The following SHANK2 variants were observed in gnomAD, a reference collection of about 807,000 sequenced individuals.
The protein encoded by SHANK2 is SH3 and multiple ankyrin repeat domains protein 2.
Under a neutral mutation model 133.7 loss-of-function variants are expected in SHANK2, and 43 were observed. The ratio of observed to expected loss-of-function variants is 0.32; its 90% CI spans 0.25 to 0.41. The LOEUF is 0.41. Among genes scored for constraint, SHANK2 ranks in the 10% least tolerant of loss-of-function variants. The probability of loss-of-function intolerance (pLI) is 1.00; values close to 1 mark genes in which losing one functional copy is unlikely to be tolerated. For synonymous variants in SHANK2, 1,017 were observed against 952.8 expected, an observed-to-expected ratio of 1.07 and a Z score of -1.24; for missense variants, 1,994 against 2,235.8, an observed-to-expected ratio of 0.89 and a Z score of 2.18.
At chr11:70,861,636 T>G (rs1949259804) in intron 11 of SHANK2, among the ~76,000 whole-genome samples, 1 of 152,210 alleles carries the variant, frequency 6.6e-6, no homozygotes, top group Admixed American at 6.5e-5. Context: ...ACGAGCCAGT[T>G]AACTCTGTAG....
intron 17 of SHANK2, among the ~76,000 whole-genome samples, chr11:70,582,186 G>A (rs1407404797): frequency 1.3e-5 from 2 of 152,208 alleles, no homozygotes; most frequent in Non-Finnish European, 1.5e-5. Flanking sequence ...AGCAGAGAGG[G>A]GCTCCACCCC....
At chr11:71,101,215 C>T (rs537832057) in intron 6 of SHANK2, among the ~76,000 whole-genome samples, 7 of 152,160 alleles carry the variant, frequency 4.6e-5, no homozygotes, top group African/African-American at 7.2e-5. Context: ...GCTCTGTCCC[C>T]GACCCCAAGA....
chr11:70,704,072 G>A (rs1454857247), intron 14 of SHANK2, among the ~76,000 whole-genome samples: 1 of 152,256 alleles, frequency 6.6e-6, no homozygotes, highest in Non-Finnish European at 1.5e-5. Flanking sequence ...GCCACAGAGG[G>A]AGGCCAGCCT....
intron 16 of SHANK2, among the ~76,000 whole-genome samples, chr11:70,660,713 G>A (rs941213112): frequency 3.9e-5 from 6 of 152,226 alleles, no homozygotes; most frequent in Non-Finnish European, 8.8e-5. Context: ...ACAGACAGGC[G>A]TGGATGCTCT....
intron 9 of SHANK2, among the ~76,000 whole-genome samples, chr11:71,068,709 G>A (rs1951101004): frequency 6.6e-6 from 1 of 152,200 alleles, no homozygotes; most frequent in Non-Finnish European, 1.5e-5. Flanking sequence ...TGGAAGCCTG[G>A]CAGCTGTACT....
At chr11:70,740,889 G>A (rs1286273424) in intron 14 of SHANK2, among the ~76,000 whole-genome samples, 1 of 152,178 alleles carries the variant, frequency 6.6e-6, no homozygotes, top group East Asian at 1.9e-4. Context: ...GGAACATCCT[G>A]AGTACCTGCA....
intron 17 of SHANK2, among the ~76,000 whole-genome samples, chr11:70,618,627 T>G (rs6592664): frequency 0.46 from 69,112 of 151,814 alleles, 16,192 homozygotes; most frequent in Middle Eastern, 0.54. Flanking sequence ...ACGAGGCATT[T>G]CAGCTTGTGA....
At position 70,584,411 on chromosome 11, in the gene SHANK2, A is replaced by G. The variant is rs186637602; in HGVS notation, c.2061+75417T>C. Reference sequence around the variant, plus strand: ...GAATCAGGCAATTCCTAGAGAAAGTAAACAGCTCACCTGAGAGCTGGATTT... The same window carrying G: ...GAATCAGGCAATTCCTAGAGAAAGTGAACAGCTCACCTGAGAGCTGGATTT... On this transcript the variant is annotated intron_variant, in intron 17 of 25. Transcript: ENST00000601538. Among the ~76,000 whole-genome samples, 253 of 152,242 alleles carry G rather than the reference A, an allele frequency of 1.7e-3. 3 individuals carry two copies. The highest frequency in any genetic ancestry group is 3.2e-3 in the Non-Finnish European group (217 of 67,992).
intron 14 of SHANK2, among the ~76,000 whole-genome samples, chr11:70,731,744 T>C (rs1293770307): frequency 3.3e-5 from 5 of 152,202 alleles, no homozygotes; most frequent in African/African-American, 4.8e-5. Flanking sequence ...TGGACACCTG[T>C]TTTTAATTCT....
chr11:70,755,894 A>G (rs138830045), intron 14 of SHANK2, among the ~76,000 whole-genome samples: 1 of 152,278 alleles, frequency 6.6e-6, no homozygotes, highest in East Asian at 1.9e-4. Flanking sequence ...GTTTATTTCC[A>G]TCTTACAGGA....
At chr11:70,781,558 T>TTATTTATATATATATATATATATATA (rs71049941) in intron 14 of SHANK2, among the ~76,000 whole-genome samples, 75 of 28,944 alleles carry the variant, frequency 2.6e-3, no homozygotes, top group African/African-American at 4.6e-3. Context: ...TACTTACTTA[T>TTATTTATATATATATATATATATATA]TATATATATA....
At chr11:70,582,155 C>T (rs1367253549) in intron 17 of SHANK2, among the ~76,000 whole-genome samples, 15 of 152,230 alleles carry the variant, frequency 9.9e-5, no homozygotes, top group Admixed American at 9.2e-4. Context: ...TGCCATCAGT[C>T]AGAGAAGGCC....
intron 14 of SHANK2, among the ~76,000 whole-genome samples, chr11:70,742,434 G>A (rs139638458): frequency 6.6e-6 from 1 of 152,294 alleles, no homozygotes; most frequent in African/African-American, 2.4e-5. Flanking sequence ...CAAAAGGTAG[G>A]CATATTAGTT....
chr11:70,921,393 C>T (rs1048601743), intron 10 of SHANK2, among the ~76,000 whole-genome samples: 7 of 152,160 alleles, frequency 4.6e-5, no homozygotes, highest in Non-Finnish European at 1.0e-4. Context: ...GGCCAAGAGC[C>T]GATTCCTGCT....
intron 14 of SHANK2, among the ~76,000 whole-genome samples, chr11:70,707,817 C>T (rs1361183702): frequency 2.0e-5 from 3 of 152,206 alleles, no homozygotes; most frequent in African/African-American, 4.8e-5. Flanking sequence ...TCTCTGAAAA[C>T]ATCCCCCTGC....
In SHANK2 at chr11:70,469,588, C is replaced by T. The variant is rs1164584450; in HGVS notation, c.*3281G>A. On this transcript the variant is annotated 3_prime_UTR_variant, in exon 26 of 26. Transcript: ENST00000601538. ...AAAAGTAACAGCAACATAGATAATG[C>T]GAACACGTGTTGTTACACAAACTAT... 6.7e-6 allele frequency: 1 copy of T among 150,160 alleles called. No homozygotes were observed. The highest frequency in any genetic ancestry group is 2.5e-5 in the African/African-American group (1 of 40,524). The allele number at this position is 150,160 out of a possible 1,614,324, so 9.3% of individuals were successfully genotyped here.
chr11:71,076,861 A>G (rs973701138), intron 8 of SHANK2, among the ~76,000 whole-genome samples: 3 of 152,230 alleles, frequency 2.0e-5, no homozygotes, highest in Non-Finnish European at 4.4e-5. Context: ...CCCAAGCTAG[A>G]ACATTCATCA....
intron 15 of SHANK2, among the ~76,000 whole-genome samples, chr11:70,695,721 G>C (rs1286428646): frequency 6.6e-6 from 1 of 152,236 alleles, no homozygotes; most frequent in African/African-American, 2.4e-5. Flanking sequence ...TGTAACACCT[G>C]CGTTACCAGG....
intron 14 of SHANK2, among the ~76,000 whole-genome samples, chr11:70,788,390 T>C (rs1555047167): frequency 1.3e-5 from 2 of 152,140 alleles, no homozygotes; most frequent in African/African-American, 4.8e-5. Flanking sequence ...AGTCCAGAAA[T>C]AAACAGTTGA....
Sources: gnomAD v4.1 joint callset for allele counts (sites outside exome capture counted in the v4.1 genomes callset) on GRCh38, gnomAD v4.1.1 for gene constraint, MANE v1.5 for transcripts, NCBI Gene and HGNC (gene_info 2026-07-23, HGNC 2026-07-21) for gene names.